The following CACNA2D1 variants were observed in gnomAD, a reference collection of about 807,000 sequenced individuals.
CACNA2D1 encodes voltage-dependent calcium channel subunit alpha-2/delta-1.
In CACNA2D1, 53 loss-of-function variants were observed where a neutral mutation model predicts 171.5. The observed-to-expected ratio is 0.31, with a 90% CI of 0.25 to 0.39. The LOEUF is 0.39. Among genes scored for constraint, CACNA2D1 ranks in the 10% least tolerant of loss-of-function variants. The pLI is 1.00. For missense variants in CACNA2D1, 903 were observed against 1,299.8 expected (o/e 0.69, Z 4.69); for synonymous variants, 442 against 443.1 (o/e 1.00, Z 0.03).
intron 1 of CACNA2D1, among the ~76,000 whole-genome samples, chr7:82,355,293 T>G (rs1417209181): frequency 2.0e-5 from 3 of 152,154 alleles, no homozygotes; most frequent in Admixed American, 2.0e-4. Flanking sequence ...CTCATGTATA[T>G]CTGGTTGTAC....
At chr7:82,183,833 A>T (rs145310130) in intron 3 of CACNA2D1, among the ~76,000 whole-genome samples, 223 of 152,206 alleles carry the variant, frequency 1.5e-3, no homozygotes, top group African/African-American at 5.2e-3. Flanking sequence ...TATCTGGTGA[A>T]CCACTTCCAG....
At chr7:82,113,546 T>C (rs1415851821) in intron 6 of CACNA2D1, among the ~76,000 whole-genome samples, 1 of 152,162 alleles carries the variant, frequency 6.6e-6, no homozygotes, top group African/African-American at 2.4e-5. Context: ...TAATCACATT[T>C]CAATTCAAGG....
intron 4 of CACNA2D1, among the ~76,000 whole-genome samples, chr7:82,137,458 CTA>C (rs1400230378): frequency 6.6e-6 from 1 of 152,098 alleles, no homozygotes; most frequent in Non-Finnish European, 1.5e-5. Context: ...ACTGATTTCT[CTA>C]TCTTATTCCA....
chr7:82,100,395 AAT>A (rs1812532178), intron 6 of CACNA2D1, among the ~76,000 whole-genome samples: 1 of 152,166 alleles, frequency 6.6e-6, no homozygotes, highest in African/African-American at 2.4e-5. Context: ...CCTTTATTAA[AAT>A]ATAATAAATC....
intron 3 of CACNA2D1, among the ~76,000 whole-genome samples, chr7:82,297,503 T>C (rs533287728): frequency 6.6e-6 from 1 of 152,296 alleles, no homozygotes; most frequent in African/African-American, 2.4e-5. Flanking sequence ...AAAGAATGTA[T>C]ACAATTTGTA....
intron 3 of CACNA2D1, among the ~76,000 whole-genome samples, chr7:82,265,514 C>T (rs1482229043): frequency 6.8e-6 from 1 of 146,746 alleles, no homozygotes; most frequent in African/African-American, 2.5e-5. Flanking sequence ...ATCCCCACAT[C>T]CCATTTACAA....
chr7:82,199,243 G>A (rs1201903646), intron 3 of CACNA2D1, among the ~76,000 whole-genome samples: 1 of 152,044 alleles, frequency 6.6e-6, no homozygotes, highest in Non-Finnish European at 1.5e-5. Flanking sequence ...TGTGTGTTCA[G>A]TTTGTGAGCA....
At chr7:82,416,840 C>A (rs1298117264) in intron 1 of CACNA2D1, among the ~76,000 whole-genome samples, 1 of 152,164 alleles carries the variant, frequency 6.6e-6, no homozygotes, top group East Asian at 1.9e-4. Flanking sequence ...GGGTACTCGA[C>A]AGCAGTCTCA....
At chr7:82,366,370 A>AC (rs1179280914) in intron 1 of CACNA2D1, among the ~76,000 whole-genome samples, 3 of 151,998 alleles carry the variant, frequency 2.0e-5, no homozygotes, top group Non-Finnish European at 4.4e-5. Flanking sequence ...TCACTCCTTG[A>AC]CCCCCTCTCT....
chr7:82,081,984 C>A (rs925126808), intron 7 of CACNA2D1, among the ~76,000 whole-genome samples: 5 of 152,206 alleles, frequency 3.3e-5, no homozygotes, highest in Non-Finnish European at 7.3e-5. Flanking sequence ...GACTCTGGCA[C>A]CTCAAATGCG....
intron 38 of CACNA2D1, among the ~76,000 whole-genome samples, chr7:81,953,685 CTA>C (rs1275364980): frequency 6.6e-6 from 1 of 152,046 alleles, no homozygotes; most frequent in African/African-American, 2.4e-5. Flanking sequence ...GTTAGAAACA[CTA>C]TGAGGTATTA....
chr7:82,110,985 TA>T (rs1472043979), intron 6 of CACNA2D1, among the ~76,000 whole-genome samples: 4 of 152,140 alleles, frequency 2.6e-5, no homozygotes, highest in African/African-American at 9.7e-5. Flanking sequence ...TTTGACCATT[TA>T]GTCAGTGCTA....
intron 10 of CACNA2D1, among the ~76,000 whole-genome samples, chr7:82,053,595 A>C (rs1355302767): frequency 6.6e-6 from 1 of 152,226 alleles, no homozygotes; most frequent in Non-Finnish European, 1.5e-5. Context: ...AGGAGGAACT[A>C]GGAGCTGGGA....
At chr7:81,968,355 G>A (rs941029996) in intron 29 of CACNA2D1, among the ~76,000 whole-genome samples, 5 of 151,266 alleles carry the variant, frequency 3.3e-5, no homozygotes, top group Non-Finnish European at 7.4e-5. Flanking sequence ...TACTATGTTT[G>A]TTTACTTGCC....
At chr7:82,017,713 A>G (rs1231091044) in intron 12 of CACNA2D1, among the ~76,000 whole-genome samples, 1 of 152,150 alleles carries the variant, frequency 6.6e-6, no homozygotes, top group Non-Finnish European at 1.5e-5. Flanking sequence ...TTAAAACTTA[A>G]GGTAAATTAC....
chr7:82,024,891 T>C (rs1411663140), intron 12 of CACNA2D1, among the ~76,000 whole-genome samples: 2 of 151,642 alleles, frequency 1.3e-5, no homozygotes, highest in Non-Finnish European at 3.0e-5. Context: ...ACACCATTTG[T>C]TGCACAATGG....
chr7:82,165,492 A>G (rs1795354371), intron 4 of CACNA2D1, among the ~76,000 whole-genome samples: 2 of 152,084 alleles, frequency 1.3e-5, no homozygotes, highest in Admixed American at 1.3e-4. Flanking sequence ...AATATAAAAA[A>G]CAAAAGAGAT....
chr7:82,428,111 A>T (rs530253190), intron 1 of CACNA2D1, among the ~76,000 whole-genome samples: 23 of 149,214 alleles, frequency 1.5e-4, no homozygotes, highest in African/African-American at 2.8e-4. Flanking sequence ...AATAAATAAA[A>T]AAAAAACAAA....
At chr7:82,174,934 T>C (rs1450739541) in intron 3 of CACNA2D1, among the ~76,000 whole-genome samples, 3 of 152,058 alleles carry the variant, frequency 2.0e-5, no homozygotes, top group Non-Finnish European at 4.4e-5. Context: ...TTACTTTTTG[T>C]CATATCTTCA....
Sources: gnomAD v4.1 joint callset for allele counts (sites outside exome capture counted in the v4.1 genomes callset) on GRCh38, gnomAD v4.1.1 for gene constraint, MANE v1.5 for transcripts, NCBI Gene and HGNC (gene_info 2026-07-23, HGNC 2026-07-21) for gene names.